NRG4: variants seen among roughly 807,000 people sequenced by gnomAD.
The protein encoded by NRG4 is neuregulin 4.
A neutral mutation model predicts 15.0 loss-of-function variants in NRG4; 10 were observed. The observed-to-expected ratio is 0.67, with a 90% CI of 0.41 to 1.13. The LOEUF is 1.13. Ranked by LOEUF, NRG4 falls within the 50% of genes most tolerant of loss-of-function variation. The pLI is 0.00. For missense variants in NRG4, 139 were observed against 140.2 expected, an observed-to-expected ratio of 0.99 and a Z score of 0.04; for synonymous variants, 41 against 50.1, an observed-to-expected ratio of 0.82 and a Z score of 0.77.
intron 5 of NRG4, among the ~76,000 whole-genome samples, chr15:75,949,392 CAAAA>C (rs59154521): frequency 0.92 from 132,226 of 144,456 alleles, 60,752 homozygotes; most frequent in East Asian, 0.99. Flanking sequence ...GCCTGGGTGA[CAAAA>C]AAAAAAAAAA....
At chr15:76,023,538 C>T (rs1476487132) in intron 5 of NRG4, among the ~76,000 whole-genome samples, 1 of 152,184 alleles carries the variant, frequency 6.6e-6, no homozygotes, top group South Asian at 2.1e-4. Context: ...ATTTATGCAA[C>T]TACACTGCTC....
intron 3 of NRG4, among the ~76,000 whole-genome samples, chr15:75,997,894 T>C (rs943283961): frequency 2.0e-5 from 3 of 152,194 alleles, no homozygotes; most frequent in Non-Finnish European, 4.4e-5. Context: ...CCCAGTCACA[T>C]AGACCCAGTC....
upstream of NRG4, chr15:76,059,861 G>C (rs1033233138): frequency 1.4e-5 from 2 of 144,994 alleles, no homozygotes; most frequent in African/African-American, 4.9e-5. Flanking sequence ...AGCCGCCGGC[G>C]CGAGGCCTCG....
chr15:76,044,412 C>T (rs941695188), intron 4 of NRG4, among the ~76,000 whole-genome samples: 6 of 150,724 alleles, frequency 4.0e-5, no homozygotes, highest in East Asian at 1.9e-4. Context: ...GAATGAAACT[C>T]GACCCCTATC....
chr15:75,969,206 G>A, intron 3 of NRG4: 1 of 456,134 alleles, frequency 2.2e-6, no homozygotes, highest in Non-Finnish European at 4.4e-6. Context: ...ACAAAGAGAA[G>A]CCAGCATCAG....
At chr15:76,015,832 C>A (rs2034957904), upstream of NRG4, among the ~76,000 whole-genome samples, 1 of 152,106 alleles carries the variant, frequency 6.6e-6, no homozygotes, top group Non-Finnish European at 1.5e-5. Context: ...CTCTGCCAGG[C>A]TTTGGTATCA....
At chr15:76,009,083 G>T in intron 3 of NRG4, 117 bp downstream of exon 3, 2 of 681,510 alleles carry the variant, frequency 2.9e-6, no homozygotes, top group South Asian at 1.7e-5. Flanking sequence ...AAATAAATAT[G>T]AATATGCCTC....
rs780318100 is a variant in NRG4, at chr15:76,005,523, TA to T, written c.104+3676del. 4.0e-5 allele frequency among the ~76,000 whole-genome samples: 6 copies of T among 151,232 alleles called. No homozygotes were observed. In the East Asian group the frequency reaches 9.7e-4, roughly 24 times the overall value. ...TAAAATGGCGAAACCCCGCCTGTAC[TA>T]AAAACACAAAATTTAGCTGGGTGTC... is the stretch of plus-strand genomic sequence containing the variant. On this transcript the variant is annotated intron_variant, in intron 3 of 5. Coordinates refer to ENST00000394907, the MANE Select transcript of NRG4 (RefSeq NM_138573.4).
At chr15:75,997,109 G>A (rs2034243802) in intron 3 of NRG4, among the ~76,000 whole-genome samples, 1 of 151,082 alleles carries the variant, frequency 6.6e-6, no homozygotes, top group South Asian at 2.1e-4. Flanking sequence ...CATTTAATGA[G>A]AGAAAAAAAT....
chr15:75,964,591 C>A (rs1165699701), intron 3 of NRG4, among the ~76,000 whole-genome samples: 1 of 152,118 alleles, frequency 6.6e-6, no homozygotes, highest in Non-Finnish European at 1.5e-5. Flanking sequence ...AAGCTATAAA[C>A]TCATTACTCA....
upstream of NRG4, chr15:76,059,834 AGGCGCGGGCTCGGCCAAGCCGCC>A (rs1236427714): frequency 7.0e-6 from 1 of 143,158 alleles, no homozygotes; most frequent in African/African-American, 2.5e-5. Flanking sequence ...GCGAGGGCGC[AGGCGCGGGCTCGGCCAAGCCGCC>A]GGCGCGAGGC....
chr15:76,034,443 C>A (rs2035552569), intron 5 of NRG4, among the ~76,000 whole-genome samples: 1 of 152,102 alleles, frequency 6.6e-6, no homozygotes, highest in African/African-American at 2.4e-5. Flanking sequence ...TTGTCATTGC[C>A]CTCTTTGGCG....
chr15:75,976,966 T>C lies in NRG4; in HGVS notation c.105-14992A>G, dbSNP rs181293297. ...CTGCAGGTGCTCTGTCCCAGGCAGA[T>C]AGGAGTTTTATCTGTAAGTCCCTGA... On this transcript the variant is annotated intron_variant, in intron 3 of 5. Transcript: ENST00000394907. 2.5e-3 allele frequency among the ~76,000 whole-genome samples: 381 copies of C among 152,252 alleles called. 3 individuals carry two copies. Among genetic ancestry groups the C allele is most frequent in the Non-Finnish European group, 1.9e-3 (129 of 68,006 alleles).
chr15:75,949,739 C>T (rs1373691174), intron 5 of NRG4, among the ~76,000 whole-genome samples: 2 of 152,086 alleles, frequency 1.3e-5, no homozygotes, highest in Admixed American at 6.6e-5. Flanking sequence ...TATTTAGACC[C>T]ATTTTGAATT....
downstream of NRG4, chr15:75,936,706 C>T (rs556304260): frequency 6.6e-6 from 1 of 152,320 alleles, no homozygotes; most frequent in Admixed American, 6.5e-5. Context: ...TCCCTAGTAG[C>T]TGGGATTACA....
intron 3 of NRG4, chr15:76,052,908 G>T (rs1463078935): frequency 2.0e-5 from 3 of 150,946 alleles, no homozygotes; most frequent in Non-Finnish European, 4.4e-5. Flanking sequence ...GTATATTTTT[G>T]TAACTACAAA....
At chr15:76,024,070 C>A (rs951106029) in intron 5 of NRG4, among the ~76,000 whole-genome samples, 1 of 152,330 alleles carries the variant, frequency 6.6e-6, no homozygotes, top group Admixed American at 6.5e-5. Context: ...AGGCCCCATG[C>A]CTGCAATCAG....
intron 5 of NRG4, among the ~76,000 whole-genome samples, chr15:76,035,456 G>A (rs1262354138): frequency 6.6e-6 from 1 of 152,112 alleles, no homozygotes; most frequent in African/African-American, 2.4e-5. Flanking sequence ...AAATTAAGGT[G>A]AGCAATAGGG....
At chr15:76,003,298 G>A (rs2034479785) in intron 3 of NRG4, among the ~76,000 whole-genome samples, 1 of 152,082 alleles carries the variant, frequency 6.6e-6, no homozygotes, top group Non-Finnish European at 1.5e-5. Flanking sequence ...AAAATCGTGA[G>A]CTGCTATTAA....
Sources: allele counts gnomAD v4.1 joint callset (sites outside exome capture counted in the v4.1 genomes callset), GRCh38; gene constraint gnomAD v4.1.1; transcripts MANE v1.5; gene names NCBI Gene and HGNC (gene_info 2026-07-23, HGNC 2026-07-21).